Variants in ZNF892 observed in about 807,000 individuals in gnomAD.
The protein encoded by ZNF892 is zinc finger protein 570-like.
At chr2:95,253,652 T>A in the ZNF892 span, among the ~76,000 whole-genome samples, 10 of 152,212 alleles carry the variant, frequency 6.6e-5, no homozygotes, top group African/African-American at 2.4e-4. Flanking sequence ...GGGATGGCAT[T>A]GAATCTATAA....
At chr2:95,214,543 A>G in the ZNF892 span, 1 of 398,530 alleles carries the variant, frequency 2.5e-6, no homozygotes, top group Non-Finnish European at 4.4e-6. Flanking sequence ...AGAAGCTACC[A>G]ATCTGATGAA....
the ZNF892 span, among the ~76,000 whole-genome samples, chr2:95,253,005 G>T: frequency 6.6e-6 from 1 of 152,172 alleles, no homozygotes; most frequent in Non-Finnish European, 1.5e-5. Context: ...CAGATGAGTA[G>T]ATTGCAAAAA....
At chr2:95,214,861 C>T in the ZNF892 span, 17 of 505,038 alleles carry the variant, frequency 3.4e-5, no homozygotes, top group Admixed American at 5.3e-4. Flanking sequence ...GGGGAGAAAC[C>T]CTATGAATGT....
the ZNF892 span, among the ~76,000 whole-genome samples, chr2:95,250,992 T>C: frequency 6.7e-6 from 1 of 149,060 alleles, no homozygotes; most frequent in African/African-American, 2.4e-5. Flanking sequence ...TAAATGCTTA[T>C]ATAAATATTA....
At chr2:95,220,237 G>A in the ZNF892 span, among the ~76,000 whole-genome samples, 1 of 152,104 alleles carries the variant, frequency 6.6e-6, no homozygotes, top group East Asian at 1.9e-4. Flanking sequence ...TAGGACCATA[G>A]CTTTCTTCTG....
At chr2:95,212,298 A>G in the ZNF892 span, 1 of 398,404 alleles carries the variant, frequency 2.5e-6, no homozygotes, top group African/African-American at 2.1e-5. Flanking sequence ...TGTTGGAAAC[A>G]GTGCAAGTAA....
the ZNF892 span, among the ~76,000 whole-genome samples, chr2:95,212,561 A>G: frequency 7.2e-5 from 11 of 152,346 alleles, no homozygotes; most frequent in South Asian, 2.3e-3. Flanking sequence ...CTTGGGTTCA[A>G]GGCTCTAAAG....
At chr2:95,212,273 A>G in the ZNF892 span, 1 of 398,578 alleles carries the variant, frequency 2.5e-6, no homozygotes. Context: ...AAAGGCAGCC[A>G]GTCAAAAGCG....
the ZNF892 span, among the ~76,000 whole-genome samples, chr2:95,246,528 G>T: frequency 6.6e-6 from 1 of 152,184 alleles, no homozygotes; most frequent in African/African-American, 2.4e-5. Context: ...TCAGGCAAGA[G>T]AAAGAAATAA....
the ZNF892 span, among the ~76,000 whole-genome samples, chr2:95,237,670 C>T: frequency 1.4e-4 from 21 of 152,304 alleles, no homozygotes; most frequent in African/African-American, 4.1e-4. Flanking sequence ...TGTCCAAAGC[C>T]GAGACAGGCT....
At chr2:95,207,822 C>T in the ZNF892 span, 1 of 398,656 alleles carries the variant, frequency 2.5e-6, no homozygotes, top group Non-Finnish European at 4.4e-6. Context: ...CTCCATGGAA[C>T]CTGAGGGCAG....
the ZNF892 span, chr2:95,212,163 C>A: frequency 8.8e-5 from 35 of 398,324 alleles, no homozygotes; most frequent in Non-Finnish European, 1.4e-4. Flanking sequence ...GAGGTCTTCA[C>A]CAGACTCCTT....
At chr2:95,238,777 A>G in the ZNF892 span, among the ~76,000 whole-genome samples, 1 of 152,176 alleles carries the variant, frequency 6.6e-6, no homozygotes, top group African/African-American at 2.4e-5. Flanking sequence ...ATGACTTTGC[A>G]GGGTTCAAGC....
At chr2:95,229,282 A>T in the ZNF892 span, among the ~76,000 whole-genome samples, 1 of 152,206 alleles carries the variant, frequency 6.6e-6, no homozygotes. Context: ...TTAAAGTTTT[A>T]ATTGAGGGTT....
At chr2:95,214,763 C>CA in the ZNF892 span, 3 of 449,904 alleles carry the variant, frequency 6.7e-6, no homozygotes, top group Non-Finnish European at 1.2e-5. Context: ...AGAGAATTCA[C>CA]ACAGGAGAAA....
the ZNF892 span, among the ~76,000 whole-genome samples, chr2:95,256,152 G>A: frequency 6.6e-6 from 1 of 152,210 alleles, no homozygotes; most frequent in African/African-American, 2.4e-5. Context: ...AGTTGATGCA[G>A]TTTCTTCCTA....
At chr2:95,247,813 A>T in the ZNF892 span, among the ~76,000 whole-genome samples, 1 of 152,228 alleles carries the variant, frequency 6.6e-6, no homozygotes, top group Non-Finnish European at 1.5e-5. Flanking sequence ...ACCAGTAAGA[A>T]TGGCTATTAT....
At chr2:95,223,287 A>G in the ZNF892 span, among the ~76,000 whole-genome samples, 3 of 152,166 alleles carry the variant, frequency 2.0e-5, no homozygotes, top group Non-Finnish European at 1.5e-5. Context: ...TTGTTATCCA[A>G]ATACAGGCTA....
chr2:95,234,381 T>A, the ZNF892 span, among the ~76,000 whole-genome samples: 1 of 152,240 alleles, frequency 6.6e-6, no homozygotes, highest in Admixed American at 6.5e-5. Flanking sequence ...AGGACTCTAA[T>A]CTGATTGTGG....
Sources: gnomAD v4.1 joint callset for allele counts (sites outside exome capture counted in the v4.1 genomes callset) on GRCh38, gnomAD v4.1.1 for gene constraint, MANE v1.5 for transcripts, NCBI Gene and HGNC (gene_info 2026-07-23, HGNC 2026-07-21) for gene names.